Variants in FBXL13 observed in about 807,000 individuals in gnomAD.
The protein encoded by FBXL13 is F-box and leucine rich repeat protein 13.
Under a neutral mutation model 83.6 loss-of-function variants are expected in FBXL13, and 67 were observed. The observed-to-expected ratio is 0.80, with a 90% CI of 0.66 to 0.98. The LOEUF (loss-of-function observed/expected upper bound fraction) is 0.98, where lower values mean the gene tolerates loss of function less well. Among genes scored for constraint, FBXL13 ranks in the 50% least tolerant of loss-of-function variants. The probability of loss-of-function intolerance (pLI) is 0.00; values close to 1 mark genes in which losing one functional copy is unlikely to be tolerated. For missense variants in FBXL13, 822 were observed against 866.5 expected (o/e 0.95, Z 0.64); for synonymous variants, 272 against 299.5 (o/e 0.91, Z 0.95).
chr7:102,874,106 G>A lies in FBXL13; in HGVS notation c.1635+3361C>T, dbSNP rs144929576. Among the ~76,000 whole-genome samples the A allele has an allele frequency of 5.5e-3, 831 of 152,322 alleles. 3 individuals are homozygous for A. The highest frequency in any genetic ancestry group is 0.019 in the African/African-American group (783 of 41,574). On this transcript the variant is annotated intron_variant, in intron 16 of 19. Coordinates refer to ENST00000313221, the Ensembl canonical transcript of FBXL13. ...AAATTCACCATTAAGAATTGAGAAT[G>A]AACATAATTATTAGAAAACATGGGA...
chr7:102,876,671 A>C (rs1333241326), intron 16 of FBXL13, among the ~76,000 whole-genome samples: 2 of 152,194 alleles, frequency 1.3e-5, no homozygotes, highest in African/African-American at 4.8e-5. Context: ...CTTGCCTGCA[A>C]GGTAGGGCTT....
chr7:102,955,926 G>A lies in FBXL13; in HGVS notation c.724+7607C>T, dbSNP rs112725259. 5.9e-5 allele frequency among the ~76,000 whole-genome samples: 9 copies of A among 152,150 alleles called. No homozygotes were observed. In the South Asian group the frequency reaches 8.3e-4, roughly 14 times the overall value. ...AACCAAAAAAAGACCAGGACCAGAC[G>A]GATTCACAGCCGAATTCTACCAGAA... On this transcript the variant is annotated intron_variant, in intron 8 of 19. Coordinates refer to ENST00000313221, the Ensembl canonical transcript of FBXL13.
chr7:102,951,808 A>G (rs1823463377), intron 8 of FBXL13, among the ~76,000 whole-genome samples: 2 of 147,786 alleles, frequency 1.4e-5, no homozygotes, highest in Admixed American at 6.8e-5. Flanking sequence ...CTCTCTCCAA[A>G]AAAAAAAAAA....
intron 1 of FBXL13, among the ~76,000 whole-genome samples, chr7:103,072,967 T>A (rs540273171): frequency 7.9e-5 from 12 of 152,236 alleles, no homozygotes; most frequent in Non-Finnish European, 1.5e-4. Context: ...ACATCTGATT[T>A]ACTGACTGCT....
chr7:102,976,146 G>A (rs112645439), intron 6 of FBXL13: 7 of 766,404 alleles, frequency 9.1e-6, no homozygotes, highest in Admixed American at 1.7e-5. Context: ...CAGCCTTGCC[G>A]CTGAAGACTG....
chr7:103,010,221 G>A (rs1791454044), intron 6 of FBXL13, among the ~76,000 whole-genome samples: 1 of 151,986 alleles, frequency 6.6e-6, no homozygotes, highest in African/African-American at 2.4e-5. Context: ...TAAACAGGCA[G>A]ACAATGCCTG....
chr7:102,971,396 G>A (rs1411066894), intron 6 of FBXL13, among the ~76,000 whole-genome samples: 2 of 152,080 alleles, frequency 1.3e-5, no homozygotes, highest in East Asian at 1.9e-4. Context: ...TTGGGCGTTC[G>A]AGACCAGCCT....
chr7:102,812,840 C>CTTTTTTT (rs908090315), downstream of FBXL13, among the ~76,000 whole-genome samples: 3 of 122,566 alleles, frequency 2.4e-5, no homozygotes, highest in Non-Finnish European at 5.3e-5. Context: ...GATTTGGCTT[C>CTTTTTTT]TTTTTTTTTT....
At chr7:103,010,576 AGG>A (rs1384323101) in intron 6 of FBXL13, among the ~76,000 whole-genome samples, 1 of 152,116 alleles carries the variant, frequency 6.6e-6, no homozygotes, top group African/African-American at 2.4e-5. Flanking sequence ...ATAGTGCAGT[AGG>A]GGGGTTTAGG....
chr7:102,909,048 C>T (rs908243517), intron 11 of FBXL13, among the ~76,000 whole-genome samples: 1 of 152,206 alleles, frequency 6.6e-6, no homozygotes, highest in Non-Finnish European at 1.5e-5. Context: ...GGATTAGAGT[C>T]AAAAACCTTA....
At chr7:102,989,238 G>A (rs1472191618) in intron 6 of FBXL13, among the ~76,000 whole-genome samples, 1 of 152,192 alleles carries the variant, frequency 6.6e-6, no homozygotes, top group Non-Finnish European at 1.5e-5. Context: ...TGCAGAAGAA[G>A]GAACTAGAAA....
At chr7:102,941,608 G>A (rs1374600265) in intron 8 of FBXL13, among the ~76,000 whole-genome samples, 1 of 152,048 alleles carries the variant, frequency 6.6e-6, no homozygotes, top group Non-Finnish European at 1.5e-5. Context: ...CCATTGGATG[G>A]CTACAAACTA....
chr7:103,032,671 G>A (rs946148562), intron 2 of FBXL13, among the ~76,000 whole-genome samples: 2 of 152,212 alleles, frequency 1.3e-5, no homozygotes, highest in South Asian at 2.1e-4. Flanking sequence ...AGTATGAGGT[G>A]TGGAGGTGGG....
intron 2 of FBXL13, among the ~76,000 whole-genome samples, chr7:103,038,249 G>A (rs1416078754): frequency 1.3e-5 from 2 of 152,222 alleles, no homozygotes; most frequent in East Asian, 1.9e-4. Flanking sequence ...ATTGGCGGGG[G>A]GAGGGGCATC....
intron 2 of FBXL13, among the ~76,000 whole-genome samples, chr7:103,033,939 C>G (rs1015878908): frequency 3.9e-5 from 6 of 152,102 alleles, no homozygotes; most frequent in African/African-American, 1.4e-4. Context: ...TCTCCACATC[C>G]CCACCAGATT....
At chr7:102,953,241 C>A (rs147688492) in intron 8 of FBXL13, among the ~76,000 whole-genome samples, 1 of 151,858 alleles carries the variant, frequency 6.6e-6, no homozygotes, top group Non-Finnish European at 1.5e-5. Context: ...AATATAGATG[C>A]AAATATCCTC....
At chr7:103,024,845 A>C (rs914960434) in intron 6 of FBXL13, among the ~76,000 whole-genome samples, 4 of 105,642 alleles carry the variant, frequency 3.8e-5, no homozygotes, top group Non-Finnish European at 7.1e-5. Context: ...ATATATATAT[A>C]TATATATATA....
At chr7:102,922,650 A>G (rs1451965354) in intron 10 of FBXL13, among the ~76,000 whole-genome samples, 1 of 152,194 alleles carries the variant, frequency 6.6e-6, no homozygotes, top group Non-Finnish European at 1.5e-5. Context: ...AAACTCTTAT[A>G]AATGTAGCCA....
At chr7:103,046,379 G>T (rs1024527995) in intron 2 of FBXL13, among the ~76,000 whole-genome samples, 8 of 152,136 alleles carry the variant, frequency 5.3e-5, no homozygotes, top group Admixed American at 1.3e-4. Context: ...TCTAATTATT[G>T]CCTCTTTTAT....
Sources: allele counts gnomAD v4.1 joint callset (sites outside exome capture counted in the v4.1 genomes callset), GRCh38; gene constraint gnomAD v4.1.1; transcripts MANE v1.5; gene names NCBI Gene and HGNC (gene_info 2026-07-23, HGNC 2026-07-21).